Variants in KPNA4 observed in about 807,000 individuals in gnomAD.
KPNA4 encodes the protein importin subunit alpha-3.
Under a neutral mutation model 71.3 loss-of-function variants are expected in KPNA4, and 13 were observed. The ratio of observed to expected loss-of-function variants is 0.18; its 90% CI spans 0.12 to 0.29. The LOEUF (loss-of-function observed/expected upper bound fraction) is 0.29, where lower values mean the gene tolerates loss of function less well. KPNA4 is among the 10% of genes least tolerant of loss of function. The pLI, the probability that KPNA4 is intolerant of heterozygous loss-of-function variation, is 1.00. For missense variants in KPNA4, 334 were observed against 603.2 expected (o/e 0.55, Z 4.67); for synonymous variants, 189 against 195.2 (o/e 0.97, Z 0.26).
At chr3:160,508,921 A>G (rs1251883906) in intron 14 of KPNA4, among the ~76,000 whole-genome samples, 1 of 152,104 alleles carries the variant, frequency 6.6e-6, no homozygotes, top group Non-Finnish European at 1.5e-5. Flanking sequence ...TGATTTCACA[A>G]TATTTTCCAA....
intron 5 of KPNA4, among the ~76,000 whole-genome samples, chr3:160,533,913 A>G (rs1228123584): frequency 6.6e-6 from 1 of 152,226 alleles, no homozygotes; most frequent in Non-Finnish European, 1.5e-5. Flanking sequence ...AAACTATCCA[A>G]TATTCAACTC....
intron 5 of KPNA4, among the ~76,000 whole-genome samples, chr3:160,534,775 C>T (rs990173465): frequency 2.7e-5 from 4 of 145,640 alleles, no homozygotes; most frequent in African/African-American, 1.0e-4. Context: ...CCTGGAAAGA[C>T]ACTGGGAGTG....
In KPNA4 at chr3:160,526,022, T is replaced by C; in HGVS notation, c.642A>G (p.Ile214Met). ...LLSFISPSIP[I>M]TFLRNVTWVM... ...CCCAAGTAACATTTCTTAAGAATGT[T>C]ATAGGAATAGATGGACTTATGAAGG... Residue 214 changes from isoleucine (I) to methionine (M), a missense_variant, in exon 9 of 17, where the codon ATA (isoleucine) becomes ATG (methionine). Coordinates refer to ENST00000334256, the MANE Select transcript of KPNA4 (RefSeq NM_002268.5). 1 of 1,603,546 alleles carries C rather than the reference T, an allele frequency of 6.2e-7. No individual in the cohort carries two copies. The highest frequency in any genetic ancestry group is 8.5e-7 in the Non-Finnish European group (1 of 1,175,900).
chr3:160,544,549 G>A (rs1037249744), intron 1 of KPNA4, among the ~76,000 whole-genome samples: 1 of 152,214 alleles, frequency 6.6e-6, no homozygotes, highest in African/African-American at 2.4e-5. Flanking sequence ...GGGTGACAGA[G>A]AGAGACTTTG....
Position 160,530,959 on chromosome 3 carries a change from A to G in KPNA4, c.384-19T>C, listed in dbSNP as rs755995072. Reference sequence around the variant, plus strand: ...AGAAGGACTACAAAAAAAAACAAGTATTTTTAAACAGCAGGGATTTTTACA... The same window carrying G: ...AGAAGGACTACAAAAAAAAACAAGTGTTTTTAAACAGCAGGGATTTTTACA... On this transcript the variant is annotated intron_variant, in intron 6 of 16. Transcript: ENST00000334256. 1 of 1,560,210 alleles carries G rather than the reference A, an allele frequency of 6.4e-7. No individual in the cohort carries two copies. The highest frequency in any genetic ancestry group is 8.8e-7 in the Non-Finnish European group (1 of 1,140,486).
chr3:160,535,630 C>T (rs1479448956), intron 4 of KPNA4, 31 bp downstream of exon 4: 1 of 1,584,184 alleles, frequency 6.3e-7, no homozygotes, highest in African/African-American at 1.4e-5. Context: ...ACAAGAAATG[C>T]AAATGAAGAG....
intron 1 of KPNA4, among the ~76,000 whole-genome samples, chr3:160,543,921 G>T (rs562795178): frequency 6.6e-6 from 1 of 151,926 alleles, no homozygotes; most frequent in Non-Finnish European, 1.5e-5. Context: ...GCAATGGCGC[G>T]ATCTCAGCTC....
At chr3:160,510,236 C>T (rs181895341) in intron 13 of KPNA4, among the ~76,000 whole-genome samples, 4 of 152,160 alleles carry the variant, frequency 2.6e-5, no homozygotes, top group African/African-American at 9.6e-5. Flanking sequence ...AGCTTTTACA[C>T]ACAAAAATGA....
chr3:160,556,486 T>TA (rs1382055720), intron 1 of KPNA4, among the ~76,000 whole-genome samples: 1 of 152,232 alleles, frequency 6.6e-6, no homozygotes, highest in Non-Finnish European at 1.5e-5. Context: ...TCCTATTTTT[T>TA]ATTTGTTTAT....
chr3:160,532,080 C>T (rs1293057949), intron 5 of KPNA4, among the ~76,000 whole-genome samples: 2 of 152,364 alleles, frequency 1.3e-5, no homozygotes, highest in Non-Finnish European at 2.9e-5. Flanking sequence ...GCGTGAGCCA[C>T]GGAGCCTGGC....
At chr3:160,518,798 T>C (rs890935568) in intron 11 of KPNA4, among the ~76,000 whole-genome samples, 1 of 151,756 alleles carries the variant, frequency 6.6e-6, no homozygotes, top group Non-Finnish European at 1.5e-5. Flanking sequence ...GAGGCAGAGG[T>C]TGTAATGAGC....
intron 11 of KPNA4, among the ~76,000 whole-genome samples, chr3:160,521,208 A>G (rs938059357): frequency 6.6e-6 from 1 of 152,212 alleles, no homozygotes; most frequent in Admixed American, 6.5e-5. Flanking sequence ...AAGAGGAAGA[A>G]CAAAAAGAAG....
intron 12 of KPNA4, chr3:160,514,868 T>C (rs1485228392): frequency 4.4e-6 from 2 of 452,628 alleles, no homozygotes; most frequent in African/African-American, 2.0e-5. Context: ...AGTTTTACTC[T>C]AAAAAATATT....
intron 1 of KPNA4, among the ~76,000 whole-genome samples, chr3:160,563,248 C>A (rs1331933234): frequency 6.6e-6 from 1 of 152,124 alleles, no homozygotes; most frequent in African/African-American, 2.4e-5. Context: ...CACGGATAAA[C>A]CTTGAAAACA....
At chr3:160,553,617 T>C (rs1460995230) in intron 1 of KPNA4, among the ~76,000 whole-genome samples, 3 of 152,186 alleles carry the variant, frequency 2.0e-5, no homozygotes, top group South Asian at 2.1e-4. Flanking sequence ...TAAGGATATG[T>C]TCCTTGCATT....
intron 11 of KPNA4, among the ~76,000 whole-genome samples, chr3:160,518,325 C>T (rs1266917206): frequency 1.1e-4 from 17 of 150,354 alleles, no homozygotes; most frequent in East Asian, 8.0e-4. Context: ...TTAGTAGAGA[C>T]GGGGTTTCAC....
intron 1 of KPNA4, among the ~76,000 whole-genome samples, chr3:160,559,272 A>T (rs1450997099): frequency 6.6e-6 from 1 of 152,130 alleles, no homozygotes; most frequent in African/African-American, 2.4e-5. Context: ...TCCCAGAGGC[A>T]TGGTAAAAAA....
At chr3:160,524,740 T>C (rs1421457162) in intron 10 of KPNA4, among the ~76,000 whole-genome samples, 1 of 152,206 alleles carries the variant, frequency 6.6e-6, no homozygotes, top group Non-Finnish European at 1.5e-5. Flanking sequence ...TACACATTTT[T>C]TAAGATCCTA....
chr3:160,544,672 CGAA>C (rs1721869945), intron 1 of KPNA4, among the ~76,000 whole-genome samples: 1 of 152,000 alleles, frequency 6.6e-6, no homozygotes, highest in Admixed American at 6.5e-5. Flanking sequence ...GAAAAATTAC[CGAA>C]GAAGAGTAAG....
Sources: allele counts gnomAD v4.1 joint callset (sites outside exome capture counted in the v4.1 genomes callset), GRCh38; gene constraint gnomAD v4.1.1; transcripts MANE v1.5; gene names NCBI Gene and HGNC (gene_info 2026-07-23, HGNC 2026-07-21).